PIGN: variants seen among roughly 807,000 people sequenced by gnomAD.
The protein encoded by PIGN is GPI ethanolamine phosphate transferase 1.
Under a neutral mutation model 125.4 loss-of-function variants are expected in PIGN, and 117 were observed. That is an observed-to-expected ratio of 0.93 (90% CI 0.80 to 1.09). The LOEUF (loss-of-function observed/expected upper bound fraction) is 1.09. Ranked by LOEUF, PIGN falls within the 50% of genes least tolerant of loss-of-function variation. The pLI, the probability that PIGN is intolerant of heterozygous loss-of-function variation, is 0.00. For synonymous variants in PIGN, 392 were observed against 377.8 expected, an observed-to-expected ratio of 1.04 and a Z score of -0.44; for missense variants, 1,075 against 1,094.9, an observed-to-expected ratio of 0.98 and a Z score of 0.26.
chr18:62,079,991 A>C (rs1486983078), intron 28 of PIGN, among the ~76,000 whole-genome samples: 1 of 152,208 alleles, frequency 6.6e-6, no homozygotes, highest in Non-Finnish European at 1.5e-5. Flanking sequence ...TATGTGAGCA[A>C]AACATTCTGG....
intron 23 of PIGN, among the ~76,000 whole-genome samples, chr18:62,030,963 AG>A (rs2030187490): frequency 6.6e-6 from 1 of 152,208 alleles, no homozygotes; most frequent in Non-Finnish European, 1.5e-5. Context: ...TGGGGAACAC[AG>A]TGAGACCCTG....
chr18:62,173,276 G>A (rs1162152819), intron 1 of PIGN, among the ~76,000 whole-genome samples: 1 of 152,178 alleles, frequency 6.6e-6, no homozygotes, highest in Non-Finnish European at 1.5e-5. Context: ...TTTTGAGACA[G>A]TAGCCTCACT....
chr18:62,028,865 G>C (rs746280), intron 23 of PIGN, among the ~76,000 whole-genome samples: 38,092 of 152,174 alleles, frequency 0.25, 5,100 homozygotes, highest in East Asian at 0.42. Flanking sequence ...AACACTGCTA[G>C]AATTCCCAAA....
downstream of PIGN, among the ~76,000 whole-genome samples, chr18:62,038,308 GTTTTTTT>G (rs34436733): frequency 9.9e-3 from 1,194 of 120,086 alleles, 39 homozygotes; most frequent in East Asian, 0.089. Flanking sequence ...CCCCCTCCGT[GTTTTTTT>G]TTTTTTTTTT....
chr18:62,181,383 A>G (rs1171755140), intron 1 of PIGN, among the ~76,000 whole-genome samples: 3 of 152,010 alleles, frequency 2.0e-5, no homozygotes, highest in Admixed American at 1.3e-4. Context: ...TTTCCTGACC[A>G]CCTAAATCTC....
At chr18:62,154,059 G>A (rs1178895825) in intron 7 of PIGN, 1 of 153,974 alleles carries the variant, frequency 6.5e-6, no homozygotes, top group Non-Finnish European at 1.4e-5. Context: ...AGTACTTAAA[G>A]GAACCATAGA....
chr18:62,090,108 GACA>G (rs1349346160), intron 24 of PIGN, among the ~76,000 whole-genome samples: 2 of 152,066 alleles, frequency 1.3e-5, no homozygotes, highest in Non-Finnish European at 2.9e-5. Flanking sequence ...ATTGACTTGT[GACA>G]ACATTAAAAT....
At chr18:62,073,815 G>A (rs1044152961) in intron 29 of PIGN, among the ~76,000 whole-genome samples, 2 of 152,214 alleles carry the variant, frequency 1.3e-5, no homozygotes, top group African/African-American at 4.8e-5. Context: ...GACCGCTGGT[G>A]TTCATTCTCA....
chr18:62,056,634 A>C (rs1599411867), intron 30 of PIGN: 2 of 152,248 alleles, frequency 1.3e-5, no homozygotes, highest in African/African-American at 2.4e-5. Flanking sequence ...TTCTTGTCTA[A>C]AACAAACCCC....
intron 28 of PIGN, among the ~76,000 whole-genome samples, chr18:62,080,166 G>A (rs117700948): frequency 0.027 from 4,165 of 152,052 alleles, 68 homozygotes; most frequent in Middle Eastern, 0.085. Flanking sequence ...CCCAATCCCT[G>A]CCGTGTAGCC....
At chr18:62,123,568 G>A (rs1476156723) in intron 14 of PIGN, 1 of 152,084 alleles carries the variant, frequency 6.6e-6, no homozygotes, top group Non-Finnish European at 1.5e-5. Flanking sequence ...GAAAATAAGA[G>A]TGAGGAAACT....
chr18:62,114,784 G>T, intron 14 of PIGN, 145 bp from the exon 15 acceptor site: 1 of 483,796 alleles, frequency 2.1e-6, no homozygotes, highest in Non-Finnish European at 3.6e-6. Context: ...CTGAATTGCT[G>T]TTTGTTCTCT....
At chr18:62,099,296 T>C (rs2034341288) in intron 22 of PIGN, among the ~76,000 whole-genome samples, 1 of 152,074 alleles carries the variant, frequency 6.6e-6, no homozygotes, top group Admixed American at 6.6e-5. Flanking sequence ...AAGTATACTT[T>C]AGACCAAAAA....
At chr18:62,142,984 G>T (rs1025553015) in intron 11 of PIGN, among the ~76,000 whole-genome samples, 1 of 152,180 alleles carries the variant, frequency 6.6e-6, no homozygotes, top group Non-Finnish European at 1.5e-5. Flanking sequence ...AATTTTAATA[G>T]ATCTGTGCTT....
In PIGN at chr18:62,142,012, C is replaced by G. The variant is rs189669735; in HGVS notation, c.963+1294G>C. ...GCTCATTCCTCGACTTCTCAGGAAGCCTTTGCTGACTACAGTCTATCATAT... is the reference window on the plus strand; with the variant it reads ...GCTCATTCCTCGACTTCTCAGGAAGGCTTTGCTGACTACAGTCTATCATAT... On this transcript the variant is annotated intron_variant, in intron 11 of 30. Coordinates refer to ENST00000640252, the MANE Select transcript of PIGN (RefSeq NM_176787.5). Among the ~76,000 whole-genome samples the G allele has an allele frequency of 3.3e-4, 50 of 152,292 alleles. 4 individuals are homozygous for G. Among genetic ancestry groups the G allele is most frequent in the South Asian group, 2.7e-3 (13 of 4,830 alleles).
At chr18:62,072,885 A>G (rs537794425) in intron 29 of PIGN, among the ~76,000 whole-genome samples, 160 bp from the exon 30 acceptor site, 7 of 152,306 alleles carry the variant, frequency 4.6e-5, no homozygotes, top group African/African-American at 1.4e-4. Context: ...TTTTGCTTGG[A>G]TTAGAATTAG....
chr18:62,168,146 T>C lies in PIGN; in HGVS notation c.-235-4490A>G, dbSNP rs906163824. On this transcript the variant is annotated intron_variant, in intron 1 of 30. Coordinates refer to ENST00000640252, the MANE Select transcript of PIGN (RefSeq NM_176787.5). ...TTGTGGTGAGCCAAGATTGCGCCAT[T>C]GCACTCTAGCCTGGACAACAAAAGT... Among the ~76,000 whole-genome samples, 33 of 152,094 alleles carry C rather than the reference T, an allele frequency of 2.2e-4. 1 individual carries two copies. Among genetic ancestry groups the C allele is most frequent in the African/African-American group, 6.5e-4 (27 of 41,472 alleles).
At chr18:62,063,016 T>A (rs536262773) in intron 30 of PIGN, among the ~76,000 whole-genome samples, 4 of 150,248 alleles carry the variant, frequency 2.7e-5, no homozygotes, top group Non-Finnish European at 5.9e-5. Flanking sequence ...AGGAACATCA[T>A]GATAGACGTT....
At chr18:62,025,507 A>G (rs188802901) in intron 23 of PIGN, among the ~76,000 whole-genome samples, 20 of 152,338 alleles carry the variant, frequency 1.3e-4, no homozygotes, top group Admixed American at 9.8e-4. Context: ...ATAGCAAGAG[A>G]TGAAGCTGGA....
Sources: gnomAD v4.1 joint callset for allele counts (sites outside exome capture counted in the v4.1 genomes callset) on GRCh38, gnomAD v4.1.1 for gene constraint, MANE v1.5 for transcripts, NCBI Gene and HGNC (gene_info 2026-07-23, HGNC 2026-07-21) for gene names.